The following SGCZ variants were observed in gnomAD, a reference collection of about 807,000 sequenced individuals.
SGCZ encodes the protein zeta-sarcoglycan.
Under a neutral mutation model 41.3 loss-of-function variants are expected in SGCZ, and 40 were observed. The ratio of observed to expected loss-of-function variants is 0.97; its 90% confidence interval spans 0.75 to 1.26. The LOEUF is 1.26. Among genes scored for constraint, SGCZ ranks in the 50% most tolerant of loss-of-function variants. The probability of loss-of-function intolerance (pLI) is 0.00; values close to 1 mark genes in which losing one functional copy is unlikely to be tolerated. For missense variants in SGCZ, 552 were observed against 369.8 expected (o/e 1.49, Z -4.04); for synonymous variants, 206 against 137.5 (o/e 1.50, Z -3.49).
intron 3 of SGCZ, among the ~76,000 whole-genome samples, chr8:14,284,645 T>C (rs1426687847): frequency 6.6e-6 from 1 of 152,182 alleles, no homozygotes. Context: ...GCCTGTCTTC[T>C]TACTTTATTT....
chr8:14,862,984 T>G (rs928472224), intron 1 of SGCZ, among the ~76,000 whole-genome samples: 1 of 152,038 alleles, frequency 6.6e-6, no homozygotes, highest in African/African-American at 2.4e-5. Flanking sequence ...CCTTCCAAGT[T>G]GAAGGGAAAT....
intron 1 of SGCZ, among the ~76,000 whole-genome samples, chr8:14,592,612 A>G (rs947455644): frequency 1.5e-4 from 23 of 152,114 alleles, no homozygotes; most frequent in African/African-American, 5.3e-4. Context: ...AAATCTGTAA[A>G]ACCAAACAAA....
chr8:14,551,508 T>TATATATATTATATATA (rs1803831249), intron 2 of SGCZ, among the ~76,000 whole-genome samples: 1 of 4,808 alleles, frequency 2.1e-4, no homozygotes, highest in Non-Finnish European at 3.3e-4. Context: ...TTATATATAT[T>TATATATATTATATATA]ATATATATTA....
At chr8:14,150,787 A>C (rs570813419) in intron 5 of SGCZ, among the ~76,000 whole-genome samples, 31 of 152,204 alleles carry the variant, frequency 2.0e-4, no homozygotes, top group Non-Finnish European at 3.1e-4. Flanking sequence ...GTCCATCAAC[A>C]GATGAATGGA....
At chr8:15,051,586 CAG>C (rs1342073921) in intron 1 of SGCZ, among the ~76,000 whole-genome samples, 1 of 152,108 alleles carries the variant, frequency 6.6e-6, no homozygotes, top group Non-Finnish European at 1.5e-5. Flanking sequence ...GAGATACTGA[CAG>C]AGTTTTCCAA....
intron 1 of SGCZ, among the ~76,000 whole-genome samples, chr8:14,800,908 G>GA (rs5889551): frequency 0.51 from 77,347 of 151,868 alleles, 19,974 homozygotes; most frequent in East Asian, 0.73. Context: ...AAAAACATCA[G>GA]AAAAAAGATG....
At chr8:14,686,573 G>C (rs1417294087) in intron 1 of SGCZ, among the ~76,000 whole-genome samples, 1 of 152,026 alleles carries the variant, frequency 6.6e-6, no homozygotes, top group Non-Finnish European at 1.5e-5. Flanking sequence ...TGGGAAACAG[G>C]AAGACGGCCA....
At chr8:15,020,039 C>G (rs1803192802) in intron 1 of SGCZ, among the ~76,000 whole-genome samples, 1 of 151,632 alleles carries the variant, frequency 6.6e-6, no homozygotes, top group Non-Finnish European at 1.5e-5. Flanking sequence ...GCATTTAGCG[C>G]ACGAACCAAA....
At chr8:14,925,342 C>T (rs980745590) in intron 1 of SGCZ, among the ~76,000 whole-genome samples, 3 of 152,060 alleles carry the variant, frequency 2.0e-5, no homozygotes, top group African/African-American at 7.2e-5. Context: ...ATGTTAATTT[C>T]TTAATATTTT....
intron 5 of SGCZ, among the ~76,000 whole-genome samples, chr8:14,116,679 G>T (rs73217933): frequency 6.6e-6 from 1 of 151,888 alleles, no homozygotes; most frequent in Non-Finnish European, 1.5e-5. Context: ...TTGCTCCTTT[G>T]ATTTTTATTT....
At chr8:14,830,547 T>A (rs79140117) in intron 1 of SGCZ, among the ~76,000 whole-genome samples, 4,819 of 152,292 alleles carry the variant, frequency 0.032, 182 homozygotes, top group African/African-American at 0.09. Flanking sequence ...TTATATGTTT[T>A]TAATAATCAC....
intron 1 of SGCZ, among the ~76,000 whole-genome samples, chr8:15,002,866 GC>G (rs1802476725): frequency 6.6e-6 from 1 of 152,088 alleles, no homozygotes; most frequent in South Asian, 2.1e-4. Flanking sequence ...AATCCCACAT[GC>G]CATAGGAGGG....
intron 1 of SGCZ, among the ~76,000 whole-genome samples, chr8:14,694,008 T>C (rs1808882756): frequency 6.6e-6 from 1 of 152,230 alleles, no homozygotes; most frequent in East Asian, 1.9e-4. Flanking sequence ...AATTCTATTT[T>C]GACTGTTGCC....
chr8:14,769,081 A>C (rs925109893), intron 1 of SGCZ, among the ~76,000 whole-genome samples: 1 of 152,110 alleles, frequency 6.6e-6, no homozygotes, highest in Admixed American at 6.5e-5. Flanking sequence ...AAAAGGCAAT[A>C]AGAAAATAAT....
chr8:14,186,013 A>G (rs923589149), intron 4 of SGCZ, among the ~76,000 whole-genome samples: 22 of 152,170 alleles, frequency 1.4e-4, no homozygotes, highest in African/African-American at 5.1e-4. Context: ...GTTTGTCCCA[A>G]TACAACCTTT....
chr8:14,612,245 G>A (rs1401147823), intron 1 of SGCZ, among the ~76,000 whole-genome samples: 2 of 152,128 alleles, frequency 1.3e-5, no homozygotes, highest in Admixed American at 1.3e-4. Context: ...CCAGGTGATT[G>A]GATCATGGGG....
intron 1 of SGCZ, among the ~76,000 whole-genome samples, chr8:15,054,717 G>A (rs548983146): frequency 6.6e-6 from 1 of 152,138 alleles, no homozygotes; most frequent in East Asian, 1.9e-4. Flanking sequence ...CACTTTAGGA[G>A]GCTGAGGCGG....
At chr8:14,970,078 A>G (rs1585422892) in intron 1 of SGCZ, among the ~76,000 whole-genome samples, 1 of 152,086 alleles carries the variant, frequency 6.6e-6, no homozygotes, top group East Asian at 1.9e-4. Flanking sequence ...ATTCTCACTC[A>G]TTCTCATAAG....
chr8:14,938,369 A>G (rs1474138808), intron 1 of SGCZ, among the ~76,000 whole-genome samples: 1 of 152,134 alleles, frequency 6.6e-6, no homozygotes, highest in Non-Finnish European at 1.5e-5. Context: ...TGGCAAGACC[A>G]ATCCCTCCTC....
Sources: allele counts gnomAD v4.1 joint callset (sites outside exome capture counted in the v4.1 genomes callset), GRCh38; gene constraint gnomAD v4.1.1; transcripts MANE v1.5; gene names NCBI Gene and HGNC (gene_info 2026-07-23, HGNC 2026-07-21).